RBFOX1: variants seen among roughly 807,000 people sequenced by gnomAD.
RBFOX1 encodes the protein RNA binding protein fox-1 homolog 1.
In RBFOX1, 8 loss-of-function variants were observed where a neutral mutation model predicts 57.7. The ratio of observed to expected loss-of-function variants is 0.14; its 90% CI spans 0.08 to 0.25. The LOEUF (loss-of-function observed/expected upper bound fraction) is 0.25, where lower values mean the gene tolerates loss of function less well. Ranked by LOEUF, RBFOX1 falls within the 10% of genes least tolerant of loss-of-function variation. The pLI is 1.00. For synonymous variants in RBFOX1, 326 were observed against 222.4 expected, an observed-to-expected ratio of 1.47 and a Z score of -4.15; for missense variants, 611 against 548.5, an observed-to-expected ratio of 1.11 and a Z score of -1.14.
At chr16:6,301,624 C>G (rs2078830699) in intron 1 of RBFOX1, among the ~76,000 whole-genome samples, 1 of 151,988 alleles carries the variant, frequency 6.6e-6, no homozygotes, top group Non-Finnish European at 1.5e-5. Context: ...TGTGGGAAAT[C>G]TCTATAATTT....
At chr16:7,699,653 G>C (rs576582565) in intron 14 of RBFOX1, among the ~76,000 whole-genome samples, 1 of 152,212 alleles carries the variant, frequency 6.6e-6, no homozygotes, top group Admixed American at 6.5e-5. Context: ...CAAAAATGAT[G>C]TAAAATATAT....
intron 3 of RBFOX1, among the ~76,000 whole-genome samples, chr16:6,958,095 T>TTA (rs142353595): frequency 0.064 from 9,731 of 152,144 alleles, 424 homozygotes; most frequent in African/African-American, 0.11. Context: ...AGGCAGCGGC[T>TTA]TGTGAGCTGC....
intron 3 of RBFOX1, among the ~76,000 whole-genome samples, chr16:5,827,245 C>A (rs2056091633): frequency 6.6e-6 from 1 of 151,656 alleles, no homozygotes; most frequent in Non-Finnish European, 1.5e-5. Context: ...ACTAAAATTA[C>A]AAAAATTAGC....
intron 11 of RBFOX1, among the ~76,000 whole-genome samples, chr16:7,642,616 A>T (rs1395425614): frequency 2.0e-5 from 3 of 152,194 alleles, no homozygotes; most frequent in Non-Finnish European, 4.4e-5. Context: ...GTTAGATAGA[A>T]CATGAATGAT....
chr16:5,301,339 G>T (rs2063797316), intron 1 of RBFOX1, among the ~76,000 whole-genome samples: 1 of 152,078 alleles, frequency 6.6e-6, no homozygotes, highest in Non-Finnish European at 1.5e-5. Context: ...TGAGCTTAGG[G>T]CTAGGTGCGG....
intron 1 of RBFOX1, among the ~76,000 whole-genome samples, chr16:6,240,169 G>T (rs2097532795): frequency 6.6e-6 from 1 of 152,158 alleles, no homozygotes; most frequent in Non-Finnish European, 1.5e-5. Context: ...GGCCTTCCCA[G>T]AAGCCAAACA....
intron 3 of RBFOX1, among the ~76,000 whole-genome samples, chr16:6,870,055 A>C (rs1331443397): frequency 1.3e-5 from 2 of 152,180 alleles, no homozygotes; most frequent in Non-Finnish European, 2.9e-5. Flanking sequence ...ACGAGTTTAA[A>C]AATTGTTAAA....
chr16:6,283,444 C>G (rs896076290), intron 1 of RBFOX1, among the ~76,000 whole-genome samples: 3 of 152,160 alleles, frequency 2.0e-5, no homozygotes, highest in Non-Finnish European at 4.4e-5. Flanking sequence ...CCTTCTCAAG[C>G]AGATTCTGCC....
At chr16:6,922,831 T>C (rs541020246) in intron 3 of RBFOX1, among the ~76,000 whole-genome samples, 1 of 152,264 alleles carries the variant, frequency 6.6e-6, no homozygotes, top group Non-Finnish European at 1.5e-5. Flanking sequence ...GTGATGATGG[T>C]GTCACAGAGC....
At chr16:5,725,053 A>G (rs563728311) in intron 3 of RBFOX1, among the ~76,000 whole-genome samples, 11 of 152,126 alleles carry the variant, frequency 7.2e-5, no homozygotes, top group African/African-American at 2.6e-4. Flanking sequence ...CCCTTGGGAG[A>G]TGCCAGTGGA....
chr16:5,764,977 T>C (rs1222010681), intron 3 of RBFOX1, among the ~76,000 whole-genome samples: 2 of 152,186 alleles, frequency 1.3e-5, no homozygotes, highest in African/African-American at 2.4e-5. Context: ...CCAAGTCTCC[T>C]TGGGCTGCAG....
At chr16:5,479,988 C>T (rs1243721062) in intron 2 of RBFOX1, among the ~76,000 whole-genome samples, 1 of 152,044 alleles carries the variant, frequency 6.6e-6, no homozygotes, top group African/African-American at 2.4e-5. Flanking sequence ...AGGTCAAGAG[C>T]TTGGCCTTCC....
At chr16:5,721,577 T>C (rs923702371) in intron 3 of RBFOX1, among the ~76,000 whole-genome samples, 1 of 152,226 alleles carries the variant, frequency 6.6e-6, no homozygotes, top group African/African-American at 2.4e-5. Context: ...TCTTCGGCCA[T>C]TGCGTATGAT....
intron 1 of RBFOX1, among the ~76,000 whole-genome samples, chr16:5,301,015 C>G (rs2063788704): frequency 1.3e-5 from 2 of 152,192 alleles, no homozygotes; most frequent in East Asian, 1.9e-4. Context: ...CCAGTAGCCT[C>G]TGCCTCTTGA....
intron 3 of RBFOX1, among the ~76,000 whole-genome samples, chr16:6,684,353 A>G (rs2059117990): frequency 6.6e-6 from 1 of 152,130 alleles, no homozygotes; most frequent in Non-Finnish European, 1.5e-5. Context: ...ATAGTTTTTG[A>G]TTTTGTAATT....
At chr16:5,829,868 A>G (rs1002925602) in intron 3 of RBFOX1, among the ~76,000 whole-genome samples, 2 of 152,134 alleles carry the variant, frequency 1.3e-5, no homozygotes, top group African/African-American at 4.8e-5. Flanking sequence ...AAACAAAAAC[A>G]GGGGGGAAGA....
At chr16:6,747,484 C>A (rs13332765) in intron 3 of RBFOX1, among the ~76,000 whole-genome samples, 15,806 of 147,460 alleles carry the variant, frequency 0.11, 1,116 homozygotes, top group African/African-American at 0.2. Context: ...GTTTATCTAT[C>A]TGTCTATCTG....
chr16:7,376,949 G>C (rs938572956), intron 4 of RBFOX1, among the ~76,000 whole-genome samples: 1 of 152,078 alleles, frequency 6.6e-6, no homozygotes, highest in Non-Finnish European at 1.5e-5. Context: ...TCATACAAGA[G>C]GTAAACATAG....
At chr16:6,308,037 A>T (rs979082987) in intron 1 of RBFOX1, among the ~76,000 whole-genome samples, 1 of 150,638 alleles carries the variant, frequency 6.6e-6, no homozygotes, top group Non-Finnish European at 1.5e-5. Flanking sequence ...TGTTATTTAT[A>T]TAAGTTTCTT....
Sources: gnomAD v4.1 joint callset for allele counts (sites outside exome capture counted in the v4.1 genomes callset) on GRCh38, gnomAD v4.1.1 for gene constraint, MANE v1.5 for transcripts, NCBI Gene and HGNC (gene_info 2026-07-23, HGNC 2026-07-21) for gene names.